Variants in ADAM7 observed in about 807,000 individuals in gnomAD.
The protein encoded by ADAM7 is disintegrin and metalloproteinase domain-containing protein 7.
A neutral mutation model predicts 102.9 loss-of-function variants in ADAM7; 97 were observed. That is an observed-to-expected ratio of 0.94 (90% CI 0.80 to 1.12). The LOEUF (loss-of-function observed/expected upper bound fraction) is 1.12, where lower values mean the gene tolerates loss of function less well. ADAM7 is among the 50% of genes most tolerant of loss of function. ADAM7 has a pLI of 0.00. For synonymous variants in ADAM7, 334 were observed against 304.4 expected, an observed-to-expected ratio of 1.10 and a Z score of -1.01; for missense variants, 991 against 908.7, an observed-to-expected ratio of 1.09 and a Z score of -1.16.
intron 3 of ADAM7, among the ~76,000 whole-genome samples, chr8:24,453,682 C>T (rs939906646): frequency 3.3e-5 from 5 of 152,190 alleles, no homozygotes; most frequent in Admixed American, 1.3e-4. Flanking sequence ...AGCTTTATTC[C>T]GTTGCTGGTG....
At position 24,500,210 on chromosome 8, in the gene ADAM7, G is replaced by C; in HGVS notation, c.1956G>C (p.Glu652Asp). The change falls in exon 18 of 22, where the codon GAG (glutamate) becomes GAC (aspartate). Residue 652 changes from glutamate to aspartate, a missense_variant. Glu to Asp is a conservative substitution (Grantham distance 45). Coordinates refer to ENST00000175238, the MANE Select transcript of ADAM7 (RefSeq NM_003817.4). Reference protein sequence around the residue: ...VDGHGLQCHCEEGQAPVACEE... With the variant: ...VDGHGLQCHCDEGQAPVACEE... ...GCCACGGACTCCAGTGCCACTGTGAGGAAGGACAGGCACCTGTAGCCTGTG... is the reference window on the plus strand; with the variant it reads ...GCCACGGACTCCAGTGCCACTGTGACGAAGGACAGGCACCTGTAGCCTGTG... The C allele has an allele frequency of 6.2e-7, 1 of 1,612,156 alleles. No homozygotes were observed. Among genetic ancestry groups the C allele is most frequent in the Non-Finnish European group, 8.5e-7 (1 of 1,178,692 alleles).
At chr8:24,503,096 T>C (rs1440051650) in intron 20 of ADAM7, among the ~76,000 whole-genome samples, 1 of 151,992 alleles carries the variant, frequency 6.6e-6, no homozygotes, top group Non-Finnish European at 1.5e-5. Context: ...AAAAAAGCAA[T>C]GAGGCTAACT....
intron 6 of ADAM7, among the ~76,000 whole-genome samples, chr8:24,468,104 C>G (rs1819490308): frequency 6.6e-6 from 1 of 151,730 alleles, no homozygotes; most frequent in Admixed American, 6.6e-5. Context: ...AAAAAAAGAT[C>G]TATGATTAGC....
intron 16 of ADAM7, among the ~76,000 whole-genome samples, chr8:24,496,427 C>T (rs1279798859): frequency 2.6e-5 from 4 of 152,172 alleles, no homozygotes; most frequent in Non-Finnish European, 5.9e-5. Flanking sequence ...AAGAAGAGGG[C>T]CAATGTCCTC....
At position 24,508,773 on chromosome 8, in the gene ADAM7, T is replaced by C. The variant is rs575742828; in HGVS notation, c.*227T>C. On this transcript the variant is annotated 3_prime_UTR_variant, in exon 22 of 22. Transcript: ENST00000175238. ...ACATATGCTGCAGAAAAAAAATGTC[T>C]TGTGGTCTTTCAAATGCTCTTTAGC... 172 of 1,353,024 alleles carry C rather than the reference T, an allele frequency of 1.3e-4. 2 individuals are homozygous for C. The African/African-American group carries it at 2.1e-3, about 17-fold the overall frequency. 83.8% of individuals were successfully genotyped at this position (1,353,024 alleles called of 1,614,324 possible).
chr8:24,496,559 G>C (rs1018353243), intron 16 of ADAM7, among the ~76,000 whole-genome samples: 2 of 152,166 alleles, frequency 1.3e-5, no homozygotes, highest in Admixed American at 6.5e-5. Context: ...AACCACAGAG[G>C]CAGAGCTGCT....
In ADAM7 at chr8:24,447,281, C is replaced by T; in HGVS notation, c.233+19C>T. On this transcript the variant is annotated intron_variant, in intron 3 of 21. Coordinates refer to ENST00000175238, the MANE Select transcript of ADAM7 (RefSeq NM_003817.4). Reference sequence around the variant, plus strand: ...GATCCAGGTAAGTTCTATTGTGATTCCAGTACCTTATAGATTTTAGTAATT... The same window carrying T: ...GATCCAGGTAAGTTCTATTGTGATTTCAGTACCTTATAGATTTTAGTAATT... The T allele has an allele frequency of 7.3e-7, 1 of 1,372,740 alleles. No individual in the cohort carries two copies. The allele number at this position is 1,372,740 out of a possible 1,614,324, so 85.0% of individuals were successfully genotyped here.
chr8:24,462,951 A>G (rs1370550525), intron 3 of ADAM7, among the ~76,000 whole-genome samples: 1 of 152,188 alleles, frequency 6.6e-6, no homozygotes, highest in African/African-American at 2.4e-5. Context: ...TCTAAGAGTA[A>G]TGTTCAAAAT....
chr8:24,484,602 T>C (rs1264349571), intron 9 of ADAM7, among the ~76,000 whole-genome samples: 1 of 152,172 alleles, frequency 6.6e-6, no homozygotes, highest in Non-Finnish European at 1.5e-5. Flanking sequence ...GTTAAGTCCA[T>C]TCATTGTGTT....
At chr8:24,478,658 G>C (rs1302148159) in intron 8 of ADAM7, among the ~76,000 whole-genome samples, 2 of 152,120 alleles carry the variant, frequency 1.3e-5, no homozygotes, top group African/African-American at 4.8e-5. Flanking sequence ...TTTTCCATTA[G>C]AGCCTTCAAC....
intron 16 of ADAM7, among the ~76,000 whole-genome samples, chr8:24,496,628 A>T (rs1820563722): frequency 6.6e-6 from 1 of 152,192 alleles, no homozygotes; most frequent in Admixed American, 6.5e-5. Context: ...ACATGGAATC[A>T]AAGGAGATCA....
chr8:24,442,537 G>A lies in ADAM7; in HGVS notation c.117G>A (p.Gln39=), dbSNP rs1818410360. The A allele has an allele frequency of 3.7e-6, 6 of 1,614,108 alleles. No homozygotes were observed. Among genetic ancestry groups the A allele is most frequent in the Non-Finnish European group, 5.1e-6 (6 of 1,179,992 alleles). Residue 39 remains glutamine, a synonymous_variant, in exon 2 of 22, where the codon CAG becomes CAA. Transcript: ENST00000175238. The part of the protein sequence containing the change: ...LVRPKKLPLI[Q]KRDTGHTHDD... ...GTCCTAAAAAGCTTCCTCTGATACA[G>A]AAGCGAGATACTGGACACACCCATG...
At chr8:24,471,227 T>A (rs1035799234) in intron 7 of ADAM7, among the ~76,000 whole-genome samples, 1 of 152,120 alleles carries the variant, frequency 6.6e-6, no homozygotes, top group African/African-American at 2.4e-5. Context: ...TAAAAATTTT[T>A]AAAGTTTATA....
rs139294878 is a variant in ADAM7, at chr8:24,447,206, G to T, written c.177G>T (p.Leu59Phe). 13 of 1,552,014 alleles carry T rather than the reference G, an allele frequency of 8.4e-6. No individual in the cohort carries two copies. Among genetic ancestry groups the T allele is most frequent in the Admixed American group, 5.4e-5 (3 of 55,556 alleles). ...DDILKTYEEE[L>F]LYEIKLNRKT... ...TTTAGAAAACGTATGAAGAAGAATT[G>T]TTGTATGAAATAAAACTAAATAGAA... The change falls in exon 3 of 22, where the codon TTG becomes TTT. Residue 59 changes from leucine (L) to phenylalanine (F), a missense_variant. Leu to Phe is a conservative substitution (Grantham distance 22, BLOSUM62 0). Transcript: ENST00000175238.
chr8:24,449,789 A>C (rs548799969), intron 3 of ADAM7, among the ~76,000 whole-genome samples: 113 of 152,184 alleles, frequency 7.4e-4, no homozygotes, highest in Middle Eastern at 6.8e-3. Flanking sequence ...TTAGGTCTAA[A>C]GTTTAAGTCT....
intron 2 of ADAM7, among the ~76,000 whole-genome samples, chr8:24,442,782 C>G (rs1818419422): frequency 6.7e-6 from 1 of 149,166 alleles, no homozygotes; most frequent in South Asian, 2.2e-4. Flanking sequence ...TTAGGGAATA[C>G]CATTCTAAAT....
chr8:24,505,969 C>T, intron 20 of ADAM7: 1 of 708,394 alleles, frequency 1.4e-6, no homozygotes, highest in South Asian at 1.8e-5. Context: ...GTCTTATAGA[C>T]AGGCCCTGAG....
intron 7 of ADAM7, among the ~76,000 whole-genome samples, chr8:24,470,957 A>G (rs1819582479): frequency 6.6e-6 from 1 of 152,114 alleles, no homozygotes; most frequent in Non-Finnish European, 1.5e-5. Context: ...CGGCAGCTGT[A>G]TGTATGTAAT....
At chr8:24,490,970 G>A (rs1820327775) in intron 13 of ADAM7, 82 bp downstream of exon 13, 4 of 1,369,814 alleles carry the variant, frequency 2.9e-6, no homozygotes, top group Non-Finnish European at 4.1e-6. Flanking sequence ...CCACTGGACA[G>A]CCCTGCACCA....
Sources: gnomAD v4.1 joint callset for allele counts (sites outside exome capture counted in the v4.1 genomes callset) on GRCh38, gnomAD v4.1.1 for gene constraint, MANE v1.5 for transcripts, NCBI Gene and HGNC (gene_info 2026-07-23, HGNC 2026-07-21) for gene names.